The following PCBP3 variants were observed in gnomAD, a reference collection of about 807,000 sequenced individuals.
PCBP3 encodes the protein poly(rC) binding protein 3, also known as poly(rC)-binding protein 3.
A neutral mutation model predicts 52.7 loss-of-function variants in PCBP3; 25 were observed. That is an observed-to-expected ratio of 0.47 (90% CI 0.35 to 0.66). PCBP3 has a LOEUF of 0.66. Among genes scored for constraint, PCBP3 ranks in the 30% least tolerant of loss-of-function variants. PCBP3 has a pLI of 0.01. For synonymous variants in PCBP3, 162 were observed against 183.0 expected, an observed-to-expected ratio of 0.89 and a Z score of 0.93; for missense variants, 391 against 490.3, an observed-to-expected ratio of 0.80 and a Z score of 1.91.
chr21:45,777,982 T>C, intron 4 of PCBP3, among the ~76,000 whole-genome samples: 1 of 151,740 alleles, frequency 6.6e-6, no homozygotes, highest in Non-Finnish European at 1.5e-5. Flanking sequence ...TTTTTTTTTT[T>C]TTGGTTTCTC....
chr21:45,706,277 G>A (rs534441192), intron 2 of PCBP3, among the ~76,000 whole-genome samples: 1 of 152,306 alleles, frequency 6.6e-6, no homozygotes, highest in South Asian at 2.1e-4. Context: ...TGTAGCCGGA[G>A]GAAGAGCCCT....
intron 4 of PCBP3, among the ~76,000 whole-genome samples, chr21:45,796,561 T>C (rs1209911893): frequency 2.0e-5 from 3 of 152,176 alleles, no homozygotes; most frequent in Non-Finnish European, 4.4e-5. Context: ...TCTTTTTGTG[T>C]CTTCTAATTT....
At chr21:45,767,642 G>A (rs1349448543) in intron 4 of PCBP3, among the ~76,000 whole-genome samples, 1 of 152,244 alleles carries the variant, frequency 6.6e-6, no homozygotes. Flanking sequence ...GCCTTCTTGA[G>A]GTGGCACTTT....
intron 4 of PCBP3, among the ~76,000 whole-genome samples, chr21:45,787,258 T>C (rs1276156564): frequency 2.6e-5 from 4 of 152,216 alleles, no homozygotes; most frequent in African/African-American, 9.6e-5. Context: ...AGTTTCGTTT[T>C]GTTTGAGACA....
chr21:45,745,071 G>A (rs980960308), intron 3 of PCBP3, among the ~76,000 whole-genome samples: 2 of 152,176 alleles, frequency 1.3e-5, no homozygotes, highest in African/African-American at 4.8e-5. Flanking sequence ...TGTGAGCAGT[G>A]GAGAAGGTGC....
chr21:45,773,857 G>A (rs747247689), intron 4 of PCBP3, among the ~76,000 whole-genome samples: 9 of 152,028 alleles, frequency 5.9e-5, no homozygotes, highest in East Asian at 3.9e-4. Flanking sequence ...TTAATTCTTC[G>A]TATCCACGAA....
At chr21:45,891,792 C>T (rs1223277348) in intron 5 of PCBP3, among the ~76,000 whole-genome samples, 2 of 152,244 alleles carry the variant, frequency 1.3e-5, no homozygotes, top group African/African-American at 4.8e-5. Flanking sequence ...CTGCACGGGG[C>T]CATCAGAGCT....
chr21:45,700,517 G>C (rs554253430), intron 2 of PCBP3, among the ~76,000 whole-genome samples: 1 of 152,134 alleles, frequency 6.6e-6, no homozygotes, highest in African/African-American at 2.4e-5. Context: ...CTGTGATCTT[G>C]GGCCTGTGTC....
rs543217980 is a variant in PCBP3 at position 45,711,489 on chromosome 21, A to G, written c.-199-23903A>G. Among the ~76,000 whole-genome samples the G allele has an allele frequency of 2.6e-5, 4 of 152,282 alleles. No homozygotes were observed. In the East Asian group the frequency reaches 7.7e-4, roughly 29 times the overall value. ...AGTGAGAAACTGGTTTGCACCATCC[A>G]CTATTGATTTACTTAATTGTTCACC... On this transcript the variant is annotated intron_variant, in intron 2 of 17. Coordinates refer to ENST00000681687, the MANE Select transcript of PCBP3 (RefSeq NM_001384156.1).
chr21:45,719,086 C>T (rs977616544), intron 2 of PCBP3, among the ~76,000 whole-genome samples: 4 of 152,108 alleles, frequency 2.6e-5, no homozygotes, highest in South Asian at 2.1e-4. Flanking sequence ...GAGAAATTTC[C>T]GTCTTGGGTT....
intron 2 of PCBP3, among the ~76,000 whole-genome samples, chr21:45,686,033 C>T (rs190722513): frequency 6.6e-6 from 1 of 151,838 alleles, no homozygotes; most frequent in Non-Finnish European, 1.5e-5. Context: ...ATTCTCCTGC[C>T]TCAGCCTCCT....
At chr21:45,907,996 GA>G (rs2096250386) in intron 9 of PCBP3, among the ~76,000 whole-genome samples, 1 of 152,202 alleles carries the variant, frequency 6.6e-6, no homozygotes, top group Non-Finnish European at 1.5e-5. Context: ...ATTTTTAAAT[GA>G]GAAGTTCATT....
chr21:45,903,120 C>T (rs1403868317), intron 9 of PCBP3, among the ~76,000 whole-genome samples: 2 of 152,144 alleles, frequency 1.3e-5, no homozygotes, highest in Admixed American at 1.3e-4. Flanking sequence ...CTGAGGCCAG[C>T]AGGGCCTGGT....
intron 4 of PCBP3, among the ~76,000 whole-genome samples, chr21:45,767,469 G>A (rs190697938): frequency 2.6e-5 from 4 of 152,026 alleles, no homozygotes; most frequent in African/African-American, 9.6e-5. Flanking sequence ...CCTGCTCTTC[G>A]GCTATTGTGA....
chr21:45,911,767 C>T (rs1026506380), intron 11 of PCBP3, among the ~76,000 whole-genome samples: 1 of 152,246 alleles, frequency 6.6e-6, no homozygotes, highest in African/African-American at 2.4e-5. Flanking sequence ...GCTCACTCCT[C>T]TCTCGTACTT....
At chr21:45,767,080 T>G (rs1025391995) in intron 4 of PCBP3, among the ~76,000 whole-genome samples, 4 of 152,042 alleles carry the variant, frequency 2.6e-5, no homozygotes, top group Admixed American at 2.0e-4. Context: ...TAACATAAAC[T>G]GTGCCGTTTT....
intron 1 of PCBP3, 52 bp downstream of exon 1, chr21:45,643,920 G>C (rs1020936862): frequency 2.0e-5 from 3 of 148,966 alleles, no homozygotes; most frequent in Non-Finnish European, 4.5e-5. Flanking sequence ...TGCGGGTTAC[G>C]GGGACCCAGT....
At chr21:45,929,088 C>T (rs1176666763) in intron 13 of PCBP3, among the ~76,000 whole-genome samples, 1 of 152,220 alleles carries the variant, frequency 6.6e-6, no homozygotes, top group East Asian at 1.9e-4. Context: ...TTACCATTAT[C>T]TTCTGCTATT....
intron 5 of PCBP3, among the ~76,000 whole-genome samples, chr21:45,860,834 G>C (rs1569346250): frequency 6.6e-6 from 1 of 152,180 alleles, no homozygotes; most frequent in East Asian, 1.9e-4. Flanking sequence ...GATTGGTAGA[G>C]GAAACAGTGT....
Sources: gnomAD v4.1 joint callset for allele counts (sites outside exome capture counted in the v4.1 genomes callset) on GRCh38, gnomAD v4.1.1 for gene constraint, MANE v1.5 for transcripts, NCBI Gene and HGNC (gene_info 2026-07-23, HGNC 2026-07-21) for gene names.